HELZ: variants seen among roughly 807,000 people sequenced by gnomAD.
The protein encoded by HELZ is ATP-dependent RNA helicase with zinc finger domain.
In HELZ, 23 loss-of-function variants were observed where a neutral mutation model predicts 218.2. That is an observed-to-expected ratio of 0.11 (90% CI 0.08 to 0.15). The LOEUF (loss-of-function observed/expected upper bound fraction) is 0.15. Among genes scored for constraint, HELZ ranks in the 10% least tolerant of loss-of-function variants. The probability of loss-of-function intolerance (pLI) is 1.00; values close to 1 mark genes in which losing one functional copy is unlikely to be tolerated. For missense variants in HELZ, 1,813 were observed against 2,353.7 expected (o/e 0.77, Z 4.75); for synonymous variants, 814 against 829.4 (o/e 0.98, Z 0.32).
chr17:67,243,878 T>C, intron 1 of HELZ, 39 bp from the exon 2 acceptor site: 1 of 435,912 alleles, frequency 2.3e-6, no homozygotes, highest in Non-Finnish European at 3.0e-6. Context: ...ACAACACCAG[T>C]AACAGACATT....
chr17:67,161,401 T>A (rs973867296), intron 15 of HELZ, among the ~76,000 whole-genome samples: 2 of 152,214 alleles, frequency 1.3e-5, no homozygotes, highest in Non-Finnish European at 2.9e-5. Flanking sequence ...TTCAAAAATG[T>A]AATTTCCCTC....
rs779356349 is a variant in HELZ at position 67,218,646 on chromosome 17, T to C, written c.159A>G (p.Glu53=). Residue 53 remains glutamate (E), a synonymous_variant, in exon 4 of 33, where the codon GAA becomes GAG. Transcript: ENST00000358691. ...DFTGPCPLEI[E]RIKIESLLYR... is the part of the protein sequence containing the mutation. ...AGAGAAGACTCTCGATTTTGATGCG[T>C]TCTATTTCCAATGGACAAGGCCCTG... is the stretch of plus-strand genomic sequence containing the variant. The C allele has an allele frequency of 5.0e-6, 8 of 1,614,090 alleles. No homozygotes were observed. The highest frequency in any genetic ancestry group is 6.8e-6 in the Non-Finnish European group (8 of 1,180,054).
Position 67,136,178 on chromosome 17 carries a change from A to G in HELZ, c.2974T>C (p.Phe992Leu), listed in dbSNP as rs1419356102. The change falls in exon 23 of 33, where the codon TTT becomes CTT. Residue 992 changes from phenylalanine to leucine, a missense_variant. This residue lies in a region of HELZ where 156 missense variants were observed against 274.4 expected (regional missense o/e 0.57). Coordinates refer to ENST00000358691, the MANE Select transcript of HELZ (RefSeq NM_014877.4). ...NVQGKQFRVL[F>L]LSTVRTRHTC... ...TGTCTTGTACGTACTGTGCTAAGAAACAAAACTCTGAATTGCTTTCCTACA... is the reference window on the plus strand; with the variant it reads ...TGTCTTGTACGTACTGTGCTAAGAAGCAAAACTCTGAATTGCTTTCCTACA... 4 of 1,609,130 alleles carry G rather than the reference A, an allele frequency of 2.5e-6. No individual in the cohort carries two copies. The highest frequency in any genetic ancestry group is 3.4e-6 in the Non-Finnish European group (4 of 1,178,558).
At chr17:67,244,921 G>A (rs2041437050) in intron 1 of HELZ, 1 of 986,040 alleles carries the variant, frequency 1.0e-6, no homozygotes, top group Non-Finnish European at 1.2e-6. Context: ...CGGAGGGGAA[G>A]GGGACTAAGT....
At chr17:67,125,326 A>ATG (rs2037755432) in intron 24 of HELZ, among the ~76,000 whole-genome samples, 1 of 48,830 alleles carries the variant, frequency 2.0e-5, no homozygotes, top group Non-Finnish European at 4.3e-5. Flanking sequence ...ATATATATAT[A>ATG]TATATATATA....
chr17:67,094,586 A>G lies in HELZ; in HGVS notation c.5242-7505T>C, dbSNP rs150345502. 6.1e-3 allele frequency among the ~76,000 whole-genome samples: 923 copies of G among 152,284 alleles called. 5 individuals carry two copies. Among genetic ancestry groups the G allele is most frequent in the Non-Finnish European group, 0.011 (750 of 68,008 alleles). The stretch of plus-strand genomic sequence containing the variant: ...CATATAAAAATTATATTTATACTAT[A>G]CTATAATCTATTAAGTGTGCAATAG... On this transcript the variant is annotated intron_variant, in intron 31 of 32. Coordinates refer to ENST00000358691, the MANE Select transcript of HELZ (RefSeq NM_014877.4).
chr17:67,188,457 A>C lies in HELZ; in HGVS notation c.1024T>G (p.Leu342Val). The change falls in exon 12 of 33, where the codon TTA becomes GTA. Residue 342 changes from leucine to valine, a missense_variant. Around this residue, in one of 4 missense-constraint regions of HELZ, gnomAD observed 714 missense variants for 1,029.2 expected, o/e 0.69. Coordinates refer to ENST00000358691, the MANE Select transcript of HELZ (RefSeq NM_014877.4). This position sits in a 1 kb window ranked among gnomAD's most constrained non-coding sequence, Gnocchi z 4.1. ...CCGACTTTATACACGTAATGATCTAATCCATTTTGGGCCATCTTTCCTCCT... is the reference window on the plus strand; with the variant it reads ...CCGACTTTATACACGTAATGATCTACTCCATTTTGGGCCATCTTTCCTCCT... ...WIGGKMAQNG[L>V]DHYVYKVGIA... 2 of 1,613,904 alleles carry C rather than the reference A, an allele frequency of 1.2e-6. No homozygotes were observed. Among genetic ancestry groups the C allele is most frequent in the African/African-American group, 1.3e-5 (1 of 75,024 alleles).
At chr17:67,160,865 G>C (rs772405089) in intron 16 of HELZ, 32 bp downstream of exon 16, 8 of 1,506,570 alleles carry the variant, frequency 5.3e-6, no homozygotes, top group Non-Finnish European at 1.8e-6. Context: ...TATCCTACCA[G>C]GGAAATATGA....
intron 32 of HELZ, among the ~76,000 whole-genome samples, chr17:67,084,963 G>A (rs948644930): frequency 1.3e-5 from 2 of 152,140 alleles, no homozygotes; most frequent in African/African-American, 4.8e-5. Flanking sequence ...CAAATTAGCT[G>A]GGCATGGTGG....
intron 31 of HELZ, among the ~76,000 whole-genome samples, chr17:67,104,693 T>A (rs2037043401): frequency 6.6e-6 from 1 of 151,788 alleles, no homozygotes; most frequent in Non-Finnish European, 1.5e-5. Context: ...CTCTTATAAC[T>A]AAGTAACAAA....
chr17:67,103,136 G>A (rs892029823), intron 31 of HELZ, among the ~76,000 whole-genome samples: 1 of 152,152 alleles, frequency 6.6e-6, no homozygotes, highest in African/African-American at 2.4e-5. Context: ...AAAAATGGCA[G>A]AGTGAGAAAC....
chr17:67,232,443 T>C (rs1425990524), intron 3 of HELZ, among the ~76,000 whole-genome samples: 1 of 152,236 alleles, frequency 6.6e-6, no homozygotes, highest in Non-Finnish European at 1.5e-5. Context: ...TGAGCCCCTG[T>C]GTCTGGCATT....
intron 31 of HELZ, among the ~76,000 whole-genome samples, chr17:67,096,828 T>A (rs1434685324): frequency 6.6e-6 from 1 of 152,362 alleles, no homozygotes; most frequent in East Asian, 1.9e-4. Flanking sequence ...GGCTGTTTCA[T>A]TACATTCTTA....
intron 3 of HELZ, among the ~76,000 whole-genome samples, chr17:67,220,862 A>G (rs1307771999): frequency 1.6e-5 from 2 of 126,994 alleles, no homozygotes; most frequent in African/African-American, 3.1e-5. Context: ...CCCCCCCCCA[A>G]AAAAAAAGAG....
At chr17:67,220,972 TA>T (rs1395898672) in intron 3 of HELZ, among the ~76,000 whole-genome samples, 1 of 151,876 alleles carries the variant, frequency 6.6e-6, no homozygotes, top group Admixed American at 6.6e-5. Context: ...TAAGGGGATT[TA>T]AATAAGACAC....
At chr17:67,119,670 T>C (rs1424669724) in intron 27 of HELZ, among the ~76,000 whole-genome samples, 3 of 152,198 alleles carry the variant, frequency 2.0e-5, no homozygotes, top group African/African-American at 7.2e-5. Context: ...TCCTTGTAAT[T>C]CTAGCAGACT....
Position 67,120,064 on chromosome 17 carries a change from C to T in HELZ, c.3838+341G>A, listed in dbSNP as rs1024917431. 1.1e-4 allele frequency: 39 copies of T among 339,660 alleles called. 1 individual carries two copies. The highest frequency in any genetic ancestry group is 1.2e-3 in the Middle Eastern group (1 of 860). The allele number at this position is 339,660 out of a possible 1,614,324, so 21.0% of individuals were successfully genotyped here. A position where few individuals can be genotyped will look rare whatever the true frequency, so the allele number is the denominator to read the frequency against. On this transcript the variant is annotated intron_variant, in intron 27 of 32. Transcript: ENST00000358691. ...TATCGCCCAGGCTGGAGTACAGTGG[C>T]GTGATCTCAGCTCACTGCAAACTCC...
At chr17:67,100,249 A>G (rs1195100791) in intron 31 of HELZ, among the ~76,000 whole-genome samples, 1 of 152,224 alleles carries the variant, frequency 6.6e-6, no homozygotes, top group African/African-American at 2.4e-5. Flanking sequence ...TGTTTGAAAG[A>G]AAAAATGAAA....
chr17:67,215,073 G>C (rs1946295271), intron 5 of HELZ, among the ~76,000 whole-genome samples: 1 of 152,054 alleles, frequency 6.6e-6, no homozygotes, highest in African/African-American at 2.4e-5. Flanking sequence ...GAGCCTGGAA[G>C]GTAGAGGCTG....
Sources: allele counts gnomAD v4.1 joint callset (sites outside exome capture counted in the v4.1 genomes callset), GRCh38; gene constraint gnomAD v4.1.1; regional missense constraint gnomAD v4.1.1; non-coding constraint Gnocchi (gnomAD v3.1); transcripts MANE v1.5; gene names NCBI Gene and HGNC (gene_info 2026-07-23, HGNC 2026-07-21).